Variants in PPP1R14C observed in about 807,000 individuals in gnomAD.
The protein encoded by PPP1R14C is protein phosphatase 1 regulatory inhibitor subunit 14C, also known as protein phosphatase 1 regulatory subunit 14C.
Under a neutral mutation model 20.4 loss-of-function variants are expected in PPP1R14C, and 16 were observed. The ratio of observed to expected loss-of-function variants is 0.78; its 90% CI spans 0.53 to 1.19. The LOEUF (loss-of-function observed/expected upper bound fraction) is 1.19. PPP1R14C is among the 50% of genes most tolerant of loss of function. The probability of loss-of-function intolerance (pLI) is 0.00; values close to 1 mark genes in which losing one functional copy is unlikely to be tolerated. For missense variants in PPP1R14C, 211 were observed against 220.1 expected (o/e 0.96, Z 0.26); for synonymous variants, 91 against 91.0 (o/e 1.00, Z 0.00).
At chr6:150,190,399 A>C (rs1050387813) in intron 1 of PPP1R14C, among the ~76,000 whole-genome samples, 2 of 150,808 alleles carry the variant, frequency 1.3e-5, no homozygotes, top group African/African-American at 4.9e-5. Flanking sequence ...TTCAAGGCAG[A>C]AACCTTAAAG....
intron 1 of PPP1R14C, among the ~76,000 whole-genome samples, chr6:150,158,163 A>T (rs888866552): frequency 6.6e-6 from 1 of 152,170 alleles, no homozygotes; most frequent in African/African-American, 2.4e-5. Flanking sequence ...ATGAAAAACC[A>T]TCTCCCCAAA....
chr6:150,182,422 C>G (rs1467151844), intron 1 of PPP1R14C, among the ~76,000 whole-genome samples: 1 of 152,154 alleles, frequency 6.6e-6, no homozygotes, highest in African/African-American at 2.4e-5. Context: ...GGCCTACTTT[C>G]TGGTTTGCAG....
intron 1 of PPP1R14C, among the ~76,000 whole-genome samples, chr6:150,152,461 C>G (rs545302874): frequency 6.6e-6 from 1 of 152,326 alleles, no homozygotes; most frequent in East Asian, 1.9e-4. Context: ...GACCAGGGCT[C>G]AGGGGTTTCC....
intron 3 of PPP1R14C, among the ~76,000 whole-genome samples, chr6:150,218,389 C>T (rs906255956): frequency 1.7e-4 from 25 of 149,912 alleles, no homozygotes; most frequent in Admixed American, 1.2e-3. Context: ...GGCGACAGAG[C>T]GAGACTCCGT....
At chr6:150,190,995 C>T (rs1388794788) in intron 1 of PPP1R14C, among the ~76,000 whole-genome samples, 1 of 152,188 alleles carries the variant, frequency 6.6e-6, no homozygotes, top group African/African-American at 2.4e-5. Flanking sequence ...GACTCCCCCA[C>T]CCTACCCACA....
At chr6:150,155,837 C>T (rs950694300) in intron 1 of PPP1R14C, among the ~76,000 whole-genome samples, 6 of 151,608 alleles carry the variant, frequency 4.0e-5, no homozygotes, top group African/African-American at 1.5e-4. Context: ...CCAGCCTGAA[C>T]AACATGGTAA....
At chr6:150,157,631 G>T (rs1582896364) in intron 1 of PPP1R14C, among the ~76,000 whole-genome samples, 1 of 151,518 alleles carries the variant, frequency 6.6e-6, no homozygotes, top group South Asian at 2.1e-4. Context: ...GCATCCGTTG[G>T]CTTCTGGGCT....
chr6:150,202,157 G>T (rs1484373971), intron 1 of PPP1R14C, among the ~76,000 whole-genome samples: 2 of 152,166 alleles, frequency 1.3e-5, no homozygotes, highest in African/African-American at 2.4e-5. Flanking sequence ...GTGGTGTGAG[G>T]AAGGTAGTGC....
intron 1 of PPP1R14C, among the ~76,000 whole-genome samples, chr6:150,197,683 G>A (rs1777821883): frequency 6.6e-6 from 1 of 152,236 alleles, no homozygotes; most frequent in Non-Finnish European, 1.5e-5. Context: ...CCGCCACGGT[G>A]GAGGAGGGCC....
At chr6:150,210,637 C>G (rs965193195) in intron 1 of PPP1R14C, among the ~76,000 whole-genome samples, 7 of 152,194 alleles carry the variant, frequency 4.6e-5, no homozygotes, top group Admixed American at 2.6e-4. Flanking sequence ...TTTTGTTTAT[C>G]CTACACAATA....
chr6:150,231,903 G>A (rs181430359), intron 3 of PPP1R14C, among the ~76,000 whole-genome samples: 5 of 152,254 alleles, frequency 3.3e-5, no homozygotes, highest in African/African-American at 1.2e-4. Context: ...TACTCAGGCT[G>A]TATTCAGTTT....
chr6:150,206,400 G>A (rs952017179), intron 1 of PPP1R14C, among the ~76,000 whole-genome samples: 1 of 152,180 alleles, frequency 6.6e-6, no homozygotes, highest in African/African-American at 2.4e-5. Context: ...GTGCCTGGCA[G>A]GTAGTAGGTG....
Position 150,210,615 on chromosome 6 carries a change from T to C in PPP1R14C, c.307-4129T>C, listed in dbSNP as rs538110389. Among the ~76,000 whole-genome samples, 240 of 152,332 alleles carry C rather than the reference T, an allele frequency of 1.6e-3. 3 individuals are homozygous for C. The South Asian group carries it at 0.048, about 31-fold the overall frequency. On this transcript the variant is annotated intron_variant, in intron 1 of 3. Coordinates refer to ENST00000361131, the MANE Select transcript of PPP1R14C (RefSeq NM_030949.3). Reference sequence around the variant, plus strand: ...CAGGACAAGGGGAACCGGCAGCCTATGGGCCAATGGGTTTTGTTTATCCTA... The same window carrying C: ...CAGGACAAGGGGAACCGGCAGCCTACGGGCCAATGGGTTTTGTTTATCCTA...
intron 3 of PPP1R14C, among the ~76,000 whole-genome samples, chr6:150,227,746 G>C (rs73009895): frequency 0.061 from 9,283 of 152,272 alleles, 371 homozygotes; most frequent in African/African-American, 0.095. Context: ...AGAAGGAATT[G>C]AGAAGGACAG....
chr6:150,170,778 CT>C (rs59562721), intron 1 of PPP1R14C, among the ~76,000 whole-genome samples: 4,512 of 131,240 alleles, frequency 0.034, 64 homozygotes, highest in Non-Finnish European at 0.043. Context: ...CAGTACGACT[CT>C]TTTTTTTTTT....
intron 1 of PPP1R14C, among the ~76,000 whole-genome samples, chr6:150,151,192 C>T (rs1042135938): frequency 6.6e-6 from 1 of 152,112 alleles, no homozygotes; most frequent in African/African-American, 2.4e-5. Context: ...ATTCAGACAA[C>T]TTTGAAATGG....
chr6:150,199,563 G>A (rs1777851162), intron 1 of PPP1R14C, among the ~76,000 whole-genome samples: 1 of 152,066 alleles, frequency 6.6e-6, no homozygotes, highest in East Asian at 1.9e-4. Context: ...TTGGACTCCA[G>A]AACCAAGAAA....
intron 2 of PPP1R14C, among the ~76,000 whole-genome samples, chr6:150,216,308 T>C (rs1297482655): frequency 6.6e-6 from 1 of 152,150 alleles, no homozygotes; most frequent in Non-Finnish European, 1.5e-5. Flanking sequence ...CCAGCCTGGC[T>C]AACAGGGCAA....
intron 3 of PPP1R14C, among the ~76,000 whole-genome samples, chr6:150,234,078 T>C (rs939972189): frequency 6.6e-6 from 1 of 152,170 alleles, no homozygotes; most frequent in Non-Finnish European, 1.5e-5. Context: ...AGTCTATTTT[T>C]TTTCCCCAAC....
Sources: gnomAD v4.1 joint callset for allele counts (sites outside exome capture counted in the v4.1 genomes callset) on GRCh38, gnomAD v4.1.1 for gene constraint, MANE v1.5 for transcripts, NCBI Gene and HGNC (gene_info 2026-07-23, HGNC 2026-07-21) for gene names.